DNMT3A: variants seen among roughly 807,000 people sequenced by gnomAD.
DNMT3A encodes the protein DNA (cytosine-5)-methyltransferase 3A.
In DNMT3A, 267 loss-of-function variants were observed where a neutral mutation model predicts 117.6. The observed-to-expected ratio is 2.27, with a 90% CI of 2.05 to 2.51. DNMT3A has a LOEUF of 2.51. Ranked by LOEUF, DNMT3A falls within the 30% of genes most tolerant of loss-of-function variation. The pLI, the probability that DNMT3A is intolerant of heterozygous loss-of-function variation, is 0.00. For missense variants in DNMT3A, 1,029 were observed against 1,260.2 expected (o/e 0.82, Z 2.78); for synonymous variants, 432 against 474.8 (o/e 0.91, Z 1.17).
intron 13 of DNMT3A, 73 bp from the exon 14 acceptor site, chr2:25,244,725 C>CA: frequency 7.8e-7 from 1 of 1,280,246 alleles, no homozygotes; most frequent in Non-Finnish European, 1.1e-6. Context: ...GGAGGCTCCA[C>CA]ACCTGGCCTC....
chr2:25,306,411 G>A lies in DNMT3A; in HGVS notation c.73-6168C>T, dbSNP rs749217538. ...CAAGTAACCATTGACTGCTTAGGTC[G>A]TGTCATAATTACCGAGGAAAGCCTT... is the stretch of plus-strand genomic sequence containing the variant. On this transcript the variant is annotated intron_variant, in intron 2 of 22. Transcript: ENST00000321117. The surrounding 1 kb of genome is among the most constrained non-coding windows in gnomAD (Gnocchi z 4.1). Among the ~76,000 whole-genome samples the A allele has an allele frequency of 6.6e-6, 1 of 152,172 alleles. No homozygotes were observed. Among genetic ancestry groups the A allele is most frequent in the Non-Finnish European group, 1.5e-5 (1 of 68,046 alleles).
intron 22 of DNMT3A, among the ~76,000 whole-genome samples, 171 bp downstream of exon 22, chr2:25,235,536 T>A (rs569523687): frequency 1.3e-5 from 2 of 152,214 alleles, no homozygotes; most frequent in African/African-American, 4.8e-5. Flanking sequence ...GAGCCTGGGG[T>A]GTCAGGAGTC....
At chr2:25,253,856 G>C (rs1675879758) in intron 6 of DNMT3A, among the ~76,000 whole-genome samples, 1 of 152,160 alleles carries the variant, frequency 6.6e-6, no homozygotes, top group South Asian at 2.1e-4. Context: ...GGCGGATCAT[G>C]AGGTCAGGAG....
chr2:25,282,575 C>T lies in DNMT3A; in HGVS notation c.314G>A (p.Ser105Asn), dbSNP rs1224999314. The T allele has an allele frequency of 6.2e-7, 1 of 1,613,582 alleles. No homozygotes were observed. Among genetic ancestry groups the T allele is most frequent in the East Asian group, 2.2e-5 (1 of 44,874 alleles). ...CCCGCCCTTCTGCCCCCCAGCAGGG[C>T]TCCCCTCCTCTGGCTGGGGCTCACT... Reference protein sequence around the residue: ...KRSEPQPEEGSPAGGQKGGAP... With the variant: ...KRSEPQPEEGNPAGGQKGGAP... The change falls in exon 4 of 23, where the codon AGC becomes AAC. Residue 105 changes from serine (S) to asparagine (N), a missense_variant. Transcript: ENST00000321117. This position sits in a 1 kb window ranked among gnomAD's most constrained non-coding sequence, Gnocchi z 5.2.
rs1190153301 is a variant in DNMT3A, at chr2:25,319,005, TTTTC to T, written c.-177-4848_-177-4845del. ...TGAGCCACCACGCCTGGCCCTTTTC[TTTTC>T]TTTCTTTCTTTTTTTTTTTTTTTGA... is the stretch of plus-strand genomic sequence containing the variant. On this transcript the variant is annotated intron_variant, in intron 1 of 22. Coordinates refer to ENST00000321117, the MANE Select transcript of DNMT3A (RefSeq NM_022552.5). Among the ~76,000 whole-genome samples, 126 of 148,774 alleles carry T rather than the reference TTTTC, an allele frequency of 8.5e-4. 1 individual carries two copies. Among genetic ancestry groups the T allele is most frequent in the African/African-American group, 2.4e-3 (97 of 40,370 alleles).
At chr2:25,244,916 C>A (rs1209434709) in intron 13 of DNMT3A, among the ~76,000 whole-genome samples, 1 of 152,210 alleles carries the variant, frequency 6.6e-6, no homozygotes, top group Non-Finnish European at 1.5e-5. Flanking sequence ...TTCCTGCAGC[C>A]CTGGGTTTTT....
chr2:25,251,455 G>A (rs939590369), intron 6 of DNMT3A, among the ~76,000 whole-genome samples: 6 of 152,268 alleles, frequency 3.9e-5, no homozygotes, highest in Middle Eastern at 3.4e-3. Context: ...TGGGCCTGGA[G>A]TCCGTCCAGA....
chr2:25,244,557 T>TC lies in DNMT3A; in HGVS notation c.1649dup (p.Asn551LysfsTer27). The stretch of plus-strand genomic sequence containing the variant: ...AGCCTCACCTGCAGCAGTTGTTGTT[T>TC]CCGCACATGAGCACCTCACGGCCCC... On this transcript the variant is annotated frameshift_variant, in exon 14 of 23. Coordinates refer to ENST00000321117, the MANE Select transcript of DNMT3A (RefSeq NM_022552.5). LOFTEE classifies it high-confidence loss of function. 6.2e-7 allele frequency: 1 copy of TC among 1,614,132 alleles called. No homozygotes were observed. Among genetic ancestry groups the TC allele is most frequent in the Non-Finnish European group, 8.5e-7 (1 of 1,179,992 alleles).
chr2:25,241,514 A>T, intron 17 of DNMT3A, 48 bp downstream of exon 17: 2 of 1,572,574 alleles, frequency 1.3e-6, no homozygotes, highest in Non-Finnish European at 1.7e-6. Flanking sequence ...CCAGGTGCTG[A>T]GTGTGCAGGG....
At chr2:25,240,755 G>A (rs1673932407) in intron 17 of DNMT3A, 25 bp from the exon 18 acceptor site, 1 of 1,607,758 alleles carries the variant, frequency 6.2e-7, no homozygotes, top group South Asian at 1.1e-5. Context: ...GCAACGTGAT[G>A]GGCCTGCTGT....
chr2:25,303,734 C>T (rs2033641300), intron 2 of DNMT3A, among the ~76,000 whole-genome samples: 1 of 152,272 alleles, frequency 6.6e-6, no homozygotes, highest in African/African-American at 2.4e-5. Context: ...CTTCTGCCAA[C>T]TCTTCCGCGA....
At position 25,252,087 on chromosome 2, in the gene DNMT3A, G is replaced by A; in HGVS notation, c.640-3835C>T. The A allele has an allele frequency of 1.4e-6, 2 of 1,402,006 alleles. No individual in the cohort carries two copies. The highest frequency in any genetic ancestry group is 9.7e-7 in the Non-Finnish European group (1 of 1,034,898). 86.8% of individuals were successfully genotyped at this position (1,402,006 alleles called of 1,614,324 possible). A position where few individuals can be genotyped will look rare whatever the true frequency, so the allele number is the denominator to read the frequency against. On this transcript the variant is annotated intron_variant, in intron 6 of 22. Transcript: ENST00000321117. The surrounding 1 kb of genome is among the most constrained non-coding windows in gnomAD (Gnocchi z 5.5). ...GGACGCCGCGGCTGCTGCGGGCCGG[G>A]GAGGCATACTTCACTCTTTTCAAAC...
In DNMT3A at chr2:25,339,547, GC is replaced by G; in HGVS notation, c.-178+2278del. On this transcript the variant is annotated intron_variant, in intron 1 of 22. Coordinates refer to ENST00000321117, the MANE Select transcript of DNMT3A (RefSeq NM_022552.5). The surrounding 1 kb of genome is among the most constrained non-coding windows in gnomAD (Gnocchi z 4.9). ...GAGGCAGGCAGGTGCCAGAGCTGCT[GC>G]ACAGGCCAGCCTGGTCCCTCGCCTG... is the stretch of plus-strand genomic sequence containing the variant. Among the ~76,000 whole-genome samples, 1 of 152,158 alleles carries G rather than the reference GC, an allele frequency of 6.6e-6. No homozygotes were observed. The highest frequency in any genetic ancestry group is 1.5e-5 in the Non-Finnish European group (1 of 68,014).
chr2:25,300,335 C>T, intron 2 of DNMT3A, 92 bp from the exon 3 acceptor site: 1 of 1,394,898 alleles, frequency 7.2e-7, no homozygotes, highest in African/African-American at 1.4e-5. Flanking sequence ...GCTTCCCTTC[C>T]AGCCCCAGCC....
At chr2:25,334,137 G>A (rs1167580800) in intron 1 of DNMT3A, among the ~76,000 whole-genome samples, 1 of 152,194 alleles carries the variant, frequency 6.6e-6, no homozygotes, top group African/African-American at 2.4e-5. Flanking sequence ...GGCAGCCTCG[G>A]GGGAAGGGAA....
chr2:25,291,974 G>T (rs1349500210), intron 3 of DNMT3A, among the ~76,000 whole-genome samples: 2 of 152,200 alleles, frequency 1.3e-5, no homozygotes, highest in African/African-American at 4.8e-5. Flanking sequence ...CATTATGCTG[G>T]CTGGGTTCAG....
chr2:25,273,155 T>C (rs1285810014), intron 6 of DNMT3A, among the ~76,000 whole-genome samples: 2 of 151,944 alleles, frequency 1.3e-5, no homozygotes, highest in Non-Finnish European at 2.9e-5. Context: ...TTTGTCTTTT[T>C]AGTAGAAACA....
intron 1 of DNMT3A, among the ~76,000 whole-genome samples, chr2:25,334,889 T>C (rs1394460114): frequency 6.6e-6 from 1 of 152,236 alleles, no homozygotes; most frequent in Non-Finnish European, 1.5e-5. Flanking sequence ...AATTCTTTTT[T>C]CTACTTTCTC....
intron 6 of DNMT3A, among the ~76,000 whole-genome samples, chr2:25,263,028 A>G (rs1676745153): frequency 1.3e-5 from 2 of 152,060 alleles, no homozygotes; most frequent in Admixed American, 1.3e-4. Context: ...TGGCATGATC[A>G]TGGCTCACTG....
Sources: gnomAD v4.1 joint callset for allele counts (sites outside exome capture counted in the v4.1 genomes callset) on GRCh38, gnomAD v4.1.1 for gene constraint, Gnocchi (gnomAD v3.1) non-coding constraint, MANE v1.5 for transcripts, NCBI Gene and HGNC (gene_info 2026-07-23, HGNC 2026-07-21) for gene names.